The following EFNA5 variants were observed in gnomAD, a reference collection of about 807,000 sequenced individuals.
The protein encoded by EFNA5 is ephrin A5.
A neutral mutation model predicts 22.9 loss-of-function variants in EFNA5; 5 were observed. The observed-to-expected ratio is 0.22, with a 90% CI of 0.11 to 0.46. EFNA5 has a LOEUF of 0.46. Among genes scored for constraint, EFNA5 ranks in the 20% least tolerant of loss-of-function variants. EFNA5 has a pLI of 0.99. For synonymous variants in EFNA5, 113 were observed against 112.2 expected (o/e 1.01, Z -0.04); for missense variants, 237 against 293.3 (o/e 0.81, Z 1.40).
chr5:107,424,198 ATTTTTTTTTTT>A (rs70996959), intron 2 of EFNA5, among the ~76,000 whole-genome samples: 9 of 95,698 alleles, frequency 9.4e-5, no homozygotes, highest in Admixed American at 4.6e-4. Context: ...TCTTTCTTTC[ATTTTTTTTTTT>A]TTTTTTTTTT....
intron 2 of EFNA5, among the ~76,000 whole-genome samples, chr5:107,422,054 G>A (rs968510575): frequency 6.6e-6 from 1 of 152,156 alleles, no homozygotes; most frequent in Admixed American, 6.5e-5. Context: ...GCCTCCCAAA[G>A]TGCTGGGATT....
intron 1 of EFNA5, among the ~76,000 whole-genome samples, chr5:107,430,161 A>G (rs1324976058): frequency 2.0e-5 from 3 of 152,210 alleles, no homozygotes; most frequent in African/African-American, 7.2e-5. Flanking sequence ...AGATGCAAGG[A>G]AAGCCTGTGT....
chr5:107,540,902 T>A, intron 1 of EFNA5, among the ~76,000 whole-genome samples: 1 of 151,482 alleles, frequency 6.6e-6, no homozygotes, highest in East Asian at 1.9e-4. Flanking sequence ...GGATCAGGAG[T>A]TCGAGACCAG....
At chr5:107,628,634 T>C (rs942555507) in intron 1 of EFNA5, among the ~76,000 whole-genome samples, 6 of 152,100 alleles carry the variant, frequency 3.9e-5, no homozygotes, top group Admixed American at 2.0e-4. Context: ...GAACCATAGA[T>C]AAATACTAAA....
chr5:107,579,345 T>G (rs1748992310), intron 1 of EFNA5, among the ~76,000 whole-genome samples: 1 of 152,160 alleles, frequency 6.6e-6, no homozygotes, highest in African/African-American at 2.4e-5. Flanking sequence ...AAAGAGCTAG[T>G]ACAGAATAAG....
intron 2 of EFNA5, among the ~76,000 whole-genome samples, chr5:107,400,014 T>C (rs963750931): frequency 9.9e-5 from 15 of 152,206 alleles, no homozygotes; most frequent in Admixed American, 9.2e-4. Context: ...TTTGGAACAT[T>C]TAAGAGAACT....
chr5:107,519,586 G>A (rs1747553172), intron 1 of EFNA5, among the ~76,000 whole-genome samples: 1 of 152,174 alleles, frequency 6.6e-6, no homozygotes, highest in African/African-American at 2.4e-5. Flanking sequence ...AGAGGTCTTT[G>A]AAAGAGTGTC....
intron 1 of EFNA5, among the ~76,000 whole-genome samples, chr5:107,653,841 G>A (rs1159438205): frequency 1.3e-5 from 2 of 152,144 alleles, no homozygotes; most frequent in East Asian, 3.8e-4. Flanking sequence ...TGTATATCTT[G>A]TGAGCAGAGT....
chr5:107,423,207 G>A (rs1469149207), intron 2 of EFNA5, among the ~76,000 whole-genome samples: 2 of 152,050 alleles, frequency 1.3e-5, no homozygotes. Flanking sequence ...AAAAGGACCT[G>A]GGACTCAGTT....
chr5:107,586,184 A>G (rs945144772), intron 1 of EFNA5, among the ~76,000 whole-genome samples: 1 of 152,226 alleles, frequency 6.6e-6, no homozygotes, highest in African/African-American at 2.4e-5. Context: ...ATCATGCTCA[A>G]TTAAGAATAA....
At chr5:107,660,071 T>C (rs376294706) in intron 1 of EFNA5, among the ~76,000 whole-genome samples, 5 of 151,624 alleles carry the variant, frequency 3.3e-5, no homozygotes, top group East Asian at 1.9e-4. Flanking sequence ...TAGTTGACTA[T>C]GGTGATGTCA....
intron 1 of EFNA5, chr5:107,506,330 TA>T (rs1383143483): frequency 1.2e-4 from 18 of 152,332 alleles, no homozygotes; most frequent in African/African-American, 4.1e-4. Context: ...TCCAGTAGAG[TA>T]AATGATTAAC....
chr5:107,644,178 G>A (rs1266080768), intron 1 of EFNA5, among the ~76,000 whole-genome samples: 7 of 151,978 alleles, frequency 4.6e-5, no homozygotes, highest in African/African-American at 9.7e-5. Context: ...AGATGCAGGC[G>A]GAAGGTTTTT....
chr5:107,410,114 G>A (rs868820978), intron 2 of EFNA5, among the ~76,000 whole-genome samples: 10 of 139,784 alleles, frequency 7.2e-5, no homozygotes, highest in South Asian at 2.2e-4. Flanking sequence ...TGCAAGCTCC[G>A]CTTCCCGGGT....
chr5:107,518,201 G>C (rs1479441723), intron 1 of EFNA5, among the ~76,000 whole-genome samples: 1 of 151,796 alleles, frequency 6.6e-6, no homozygotes, highest in East Asian at 1.9e-4. Flanking sequence ...TAAAAGCAGA[G>C]GCCCACTTGA....
intron 1 of EFNA5, among the ~76,000 whole-genome samples, chr5:107,663,277 A>G (rs944949733): frequency 3.3e-5 from 5 of 152,180 alleles, no homozygotes; most frequent in African/African-American, 1.2e-4. Flanking sequence ...TTTCTAAATC[A>G]GGAAATAAGC....
intron 1 of EFNA5, among the ~76,000 whole-genome samples, chr5:107,491,759 T>C (rs1422957946): frequency 6.6e-6 from 1 of 152,206 alleles, no homozygotes; most frequent in East Asian, 1.9e-4. Flanking sequence ...AAGACATGTT[T>C]TTCACTGTAT....
intron 1 of EFNA5, among the ~76,000 whole-genome samples, chr5:107,549,691 G>A (rs1171356874): frequency 6.6e-6 from 1 of 152,242 alleles, no homozygotes; most frequent in Non-Finnish European, 1.5e-5. Context: ...AGGGAAGGGA[G>A]AAGGGCCAGT....
chr5:107,415,075 C>A (rs1348823730), intron 2 of EFNA5, among the ~76,000 whole-genome samples: 1 of 152,108 alleles, frequency 6.6e-6, no homozygotes, highest in Non-Finnish European at 1.5e-5. Flanking sequence ...CAGTGTGATT[C>A]TAAACAAATG....
Sources: gnomAD v4.1 joint callset for allele counts (sites outside exome capture counted in the v4.1 genomes callset) on GRCh38, gnomAD v4.1.1 for gene constraint, MANE v1.5 for transcripts, NCBI Gene and HGNC (gene_info 2026-07-23, HGNC 2026-07-21) for gene names.